Variants in MACROD2 observed in about 807,000 individuals in gnomAD.
MACROD2 encodes the protein mono-ADP ribosylhydrolase 2, also known as ADP-ribose glycohydrolase MACROD2.
Under a neutral mutation model 70.4 loss-of-function variants are expected in MACROD2, and 36 were observed. The observed-to-expected ratio is 0.51, with a 90% CI of 0.39 to 0.68. The LOEUF (loss-of-function observed/expected upper bound fraction) is 0.68. Among genes scored for constraint, MACROD2 ranks in the 30% least tolerant of loss-of-function variants. MACROD2 has a pLI of 0.00. For missense variants in MACROD2, 496 were observed against 538.4 expected, an observed-to-expected ratio of 0.92 and a Z score of 0.78; for synonymous variants, 172 against 178.8, an observed-to-expected ratio of 0.96 and a Z score of 0.30.
At chr20:14,364,803 G>A (rs1346475638) in intron 3 of MACROD2, among the ~76,000 whole-genome samples, 2 of 152,080 alleles carry the variant, frequency 1.3e-5, no homozygotes, top group East Asian at 3.8e-4. Context: ...TCCTCTTTGT[G>A]GCTGAACAAT....
intron 2 of MACROD2, among the ~76,000 whole-genome samples, chr20:14,074,489 A>G (rs2053891751): frequency 6.6e-6 from 1 of 152,192 alleles, no homozygotes; most frequent in Admixed American, 6.5e-5. Flanking sequence ...GAAGCATGGT[A>G]GGAACAGATA....
chr20:14,181,876 T>G (rs2081308228), intron 3 of MACROD2, among the ~76,000 whole-genome samples: 1 of 152,240 alleles, frequency 6.6e-6, no homozygotes, highest in Non-Finnish European at 1.5e-5. Flanking sequence ...CAAAATTTGT[T>G]TATACATTCA....
chr20:15,955,897 T>C (rs1477977586), intron 12 of MACROD2, among the ~76,000 whole-genome samples: 1 of 152,100 alleles, frequency 6.6e-6, no homozygotes. Flanking sequence ...CAAACCACCA[T>C]GGCATATGTT....
chr20:14,722,824 A>T (rs560605187), intron 5 of MACROD2, among the ~76,000 whole-genome samples: 1 of 152,234 alleles, frequency 6.6e-6, no homozygotes, highest in Admixed American at 6.5e-5. Context: ...CACTTTCTCT[A>T]TAGCCATCTC....
intron 6 of MACROD2, among the ~76,000 whole-genome samples, chr20:15,385,084 G>A (rs535829183): frequency 3.2e-4 from 48 of 152,334 alleles, no homozygotes; most frequent in African/African-American, 1.2e-3. Context: ...TGTCTTGAGA[G>A]TCGTATCTGA....
chr20:14,605,585 C>A (rs998698054), intron 4 of MACROD2, among the ~76,000 whole-genome samples: 3 of 152,116 alleles, frequency 2.0e-5, no homozygotes, highest in Non-Finnish European at 4.4e-5. Context: ...GGTTTTCTAA[C>A]CCTAACTGTC....
intron 6 of MACROD2, among the ~76,000 whole-genome samples, chr20:15,282,418 C>A (rs1205306086): frequency 1.3e-5 from 2 of 152,210 alleles, no homozygotes; most frequent in African/African-American, 4.8e-5. Flanking sequence ...CAAACCACAT[C>A]TTTGTGAATG....
chr20:15,249,926 A>G (rs2077140151), intron 6 of MACROD2, among the ~76,000 whole-genome samples: 1 of 152,210 alleles, frequency 6.6e-6, no homozygotes, highest in South Asian at 2.1e-4. Flanking sequence ...TTCCCTTTAT[A>G]TGTATGACTT....
intron 8 of MACROD2, among the ~76,000 whole-genome samples, chr20:15,835,260 A>AGTT (rs779468373): frequency 0.78 from 118,005 of 151,396 alleles, 46,330 homozygotes; most frequent in African/African-American, 0.84. Context: ...ATAATTATTA[A>AGTT]TTCAGTAATT....
intron 8 of MACROD2, among the ~76,000 whole-genome samples, chr20:15,548,792 A>T (rs971775393): frequency 1.3e-5 from 2 of 152,194 alleles, no homozygotes; most frequent in African/African-American, 4.8e-5. Context: ...CTCATGAGTT[A>T]CCTTCCTTGG....
intron 3 of MACROD2, among the ~76,000 whole-genome samples, chr20:14,381,045 T>A (rs1281188558): frequency 1.3e-5 from 2 of 152,184 alleles, no homozygotes; most frequent in Non-Finnish European, 2.9e-5. Flanking sequence ...ATCTCCTGAT[T>A]TATAACTCTG....
At chr20:15,530,569 A>G (rs1440388009) in intron 8 of MACROD2, among the ~76,000 whole-genome samples, 2 of 152,052 alleles carry the variant, frequency 1.3e-5, no homozygotes, top group Non-Finnish European at 2.9e-5. Flanking sequence ...CGTCTCTACT[A>G]AAAATACAAA....
At position 15,956,794 on chromosome 20, in the gene MACROD2, T is replaced by C. The variant is rs143203804; in HGVS notation, c.908-10759T>C. On this transcript the variant is annotated intron_variant, in intron 12 of 17. Transcript: ENST00000684519. ...GCCCTTCCAGGGATCCTACTCCTAA[T>C]GTACACTAACATTTAAGAGTGGCTG... 3.9e-3 allele frequency among the ~76,000 whole-genome samples: 598 copies of C among 152,190 alleles called. 5 individuals are homozygous for C. Among genetic ancestry groups the C allele is most frequent in the African/African-American group, 0.014 (574 of 41,534 alleles).
chr20:14,941,008 A>C (rs1165940160), intron 5 of MACROD2, among the ~76,000 whole-genome samples: 1 of 152,154 alleles, frequency 6.6e-6, no homozygotes, highest in Non-Finnish European at 1.5e-5. Context: ...TCAGCTGTGA[A>C]GCCATCAGAT....
chr20:14,788,011 TTC>T (rs2072396250), intron 5 of MACROD2, among the ~76,000 whole-genome samples: 1 of 152,092 alleles, frequency 6.6e-6, no homozygotes, highest in Admixed American at 6.6e-5. Context: ...GTCCAGCCCA[TTC>T]TCTGACAGGT....
chr20:14,482,852 C>G (rs1353449160), intron 3 of MACROD2, among the ~76,000 whole-genome samples: 1 of 152,142 alleles, frequency 6.6e-6, no homozygotes, highest in African/African-American at 2.4e-5. Flanking sequence ...CTTGGCTTCT[C>G]TTATGGGAGG....
At chr20:14,610,908 A>G (rs938954858) in intron 4 of MACROD2, among the ~76,000 whole-genome samples, 4 of 152,178 alleles carry the variant, frequency 2.6e-5, no homozygotes, top group African/African-American at 9.6e-5. Flanking sequence ...TAATTCAAGC[A>G]TTAGGTAATA....
intron 5 of MACROD2, among the ~76,000 whole-genome samples, chr20:15,137,590 A>G (rs949385186): frequency 1.3e-4 from 19 of 149,304 alleles, no homozygotes; most frequent in Non-Finnish European, 2.7e-4. Flanking sequence ...GGATAGCATT[A>G]GGAGATATAC....
At chr20:15,778,902 G>A (rs942522637) in intron 8 of MACROD2, among the ~76,000 whole-genome samples, 2 of 152,038 alleles carry the variant, frequency 1.3e-5, no homozygotes, top group African/African-American at 2.4e-5. Context: ...AAAGGATCTA[G>A]GTTTTATGAA....
Sources: allele counts gnomAD v4.1 joint callset (sites outside exome capture counted in the v4.1 genomes callset), GRCh38; gene constraint gnomAD v4.1.1; transcripts MANE v1.5; gene names NCBI Gene and HGNC (gene_info 2026-07-23, HGNC 2026-07-21).